Variants in FREM2 observed in about 807,000 individuals in gnomAD.
The protein encoded by FREM2 is FRAS1 related extracellular matrix 2, also known as FRAS1-related extracellular matrix protein 2.
Under a neutral mutation model 219.9 loss-of-function variants are expected in FREM2, and 119 were observed. The observed-to-expected ratio is 0.54, with a 90% CI of 0.47 to 0.63. FREM2 has a LOEUF of 0.63. FREM2 is among the 30% of genes least tolerant of loss of function. The pLI, the probability that FREM2 is intolerant of heterozygous loss-of-function variation, is 0.00. For missense variants in FREM2, 4,030 were observed against 3,993.6 expected, an observed-to-expected ratio of 1.01 and a Z score of -0.25; for synonymous variants, 1,562 against 1,522.8, an observed-to-expected ratio of 1.03 and a Z score of -0.60.
rs1224297915 is a variant in FREM2 at position 38,711,913 on chromosome 13, C to CTTTT, written c.5263+14148_5263+14151dup. Among the ~76,000 whole-genome samples, 70 of 107,530 alleles carry CTTTT rather than the reference C, an allele frequency of 6.5e-4. 1 individual carries two copies. Among genetic ancestry groups the CTTTT allele is most frequent in the African/African-American group, 2.3e-3 (52 of 22,524 alleles). The allele number at this position is 107,530 out of a possible 152,430, so 70.5% of individuals were successfully genotyped here. ...TGTGGGTCTCTGGGGCTGATAATTT[C>CTTTT]TTTTTTTTTTTTTTTTTTTTTTTTT... On this transcript the variant is annotated intron_variant, in intron 2 of 23. Transcript: ENST00000280481.
At chr13:38,717,412 C>CTTTT (rs386378868) in intron 2 of FREM2, among the ~76,000 whole-genome samples, 42,390 of 89,952 alleles carry the variant, frequency 0.47, 13,178 homozygotes, top group Non-Finnish European at 0.62. Context: ...TACATAAGTA[C>CTTTT]TTTTTTTTTT....
chr13:38,771,295 G>T (rs973177538), intron 4 of FREM2, among the ~76,000 whole-genome samples: 1 of 152,112 alleles, frequency 6.6e-6, no homozygotes, highest in Admixed American at 6.5e-5. Context: ...CCTGAACTTT[G>T]CACATATGCT....
intron 2 of FREM2, among the ~76,000 whole-genome samples, chr13:38,713,187 A>G (rs1680435103): frequency 6.6e-6 from 1 of 152,184 alleles, no homozygotes; most frequent in African/African-American, 2.4e-5. Flanking sequence ...ACAGTGCTTC[A>G]TAGAGGAAGT....
At chr13:38,741,345 A>G (rs987672273) in intron 2 of FREM2, among the ~76,000 whole-genome samples, 7 of 152,192 alleles carry the variant, frequency 4.6e-5, no homozygotes, top group African/African-American at 1.2e-4. Context: ...CTCTCTTAAC[A>G]TATTTTCAAA....
intron 2 of FREM2, among the ~76,000 whole-genome samples, chr13:38,759,498 T>A (rs1169494972): frequency 6.7e-6 from 1 of 150,324 alleles, no homozygotes; most frequent in African/African-American, 2.4e-5. Flanking sequence ...AATGAAGAAG[T>A]CTAAAGACCA....
chr13:38,857,104 G>A (rs1877591155), intron 12 of FREM2, among the ~76,000 whole-genome samples: 2 of 152,106 alleles, frequency 1.3e-5, no homozygotes, highest in Non-Finnish European at 2.9e-5. Context: ...CATCACATAA[G>A]ATGAATCTTT....
intron 1 of FREM2, among the ~76,000 whole-genome samples, chr13:38,695,187 A>G (rs934279531): frequency 1.2e-4 from 18 of 152,210 alleles, no homozygotes; most frequent in African/African-American, 4.3e-4. Context: ...ACATTTATAT[A>G]TACATAAATA....
At chr13:38,807,188 GTTATATATATATATATATATATATAT>G (rs1341055209) in intron 6 of FREM2, among the ~76,000 whole-genome samples, 5 of 66,410 alleles carry the variant, frequency 7.5e-5, no homozygotes, top group Admixed American at 4.8e-4. Flanking sequence ...TCTTGTCTCT[GTTATATATATATATATATATATATAT>G]ATATATATAT....
intron 2 of FREM2, among the ~76,000 whole-genome samples, chr13:38,700,332 A>G (rs1412814263): frequency 6.6e-6 from 1 of 152,006 alleles, no homozygotes; most frequent in East Asian, 1.9e-4. Flanking sequence ...GGAAAGGGTT[A>G]CTACCTTTGA....
In FREM2 at chr13:38,850,123, T is replaced by C. The variant is rs373878188; in HGVS notation, c.6465T>C (p.Asp2155=). The change falls in exon 9 of 24, where the codon GAT becomes GAC. Residue 2155 remains aspartate, a synonymous_variant. Coordinates refer to ENST00000280481, the MANE Select transcript of FREM2 (RefSeq NM_207361.6). ...TTACAATGATCCATAGGACTGGGGATGTCCAGTACAGATCTTCAGTGAGAT... is the reference window on the plus strand; with the variant it reads ...TTACAATGATCCATAGGACTGGGGACGTCCAGTACAGATCTTCAGTGAGAT... ...QIVTMIHRTG[D]VQYRSSVRCY... is the part of the protein sequence containing the mutation. 118 of 1,613,862 alleles carry C rather than the reference T, an allele frequency of 7.3e-5. 1 individual carries two copies. In the Middle Eastern group the frequency reaches 8.2e-4, roughly 11 times the overall value.
intron 17 of FREM2, 39 bp from the exon 18 acceptor site, chr13:38,874,443 C>A (rs1476649625): frequency 6.6e-7 from 1 of 1,508,652 alleles, no homozygotes. Context: ...GGGTCTCTGG[C>A]TACATATATT....
At position 38,691,849 on chromosome 13, in the gene FREM2, T is replaced by G. The variant is rs1869883948; in HGVS notation, c.4505T>G (p.Val1502Gly). Residue 1502 changes from valine to glycine, a missense_variant, in exon 1 of 24, where the codon GTG (valine) becomes GGG (glycine). Transcript: ENST00000280481. Reference protein sequence around the residue: ...IYYIHTADDEVKMDSFEFQVT... With the variant: ...IYYIHTADDEGKMDSFEFQVT... ...TACATCCACACAGCTGATGATGAAG[T>G]GAAAATGGACAGTTTTGAGTTTCAA... The G allele has an allele frequency of 6.2e-7, 1 of 1,613,996 alleles. No individual in the cohort carries two copies. The highest frequency in any genetic ancestry group is 8.5e-7 in the Non-Finnish European group (1 of 1,180,042).
intron 2 of FREM2, among the ~76,000 whole-genome samples, chr13:38,745,475 A>C (rs532991579): frequency 6.6e-6 from 1 of 152,294 alleles, no homozygotes; most frequent in African/African-American, 2.4e-5. Context: ...TTGCTAATAA[A>C]GATAAAGAGC....
chr13:38,738,546 A>C (rs977522446), intron 2 of FREM2, among the ~76,000 whole-genome samples: 8 of 144,640 alleles, frequency 5.5e-5, no homozygotes. Context: ...AGCCTGGGCA[A>C]CAGAGTGAGA....
intron 6 of FREM2, chr13:38,827,685 A>G (rs1442542584): frequency 2.0e-5 from 3 of 152,268 alleles, no homozygotes; most frequent in African/African-American, 7.2e-5. Flanking sequence ...TAAGTAAGTT[A>G]TATGTAAGAA....
rs770349141 is a variant in FREM2, at chr13:38,848,629, C to T, written c.6338C>T (p.Pro2113Leu). 1.2e-6 allele frequency: 2 copies of T among 1,613,874 alleles called. No individual in the cohort carries two copies. The highest frequency in any genetic ancestry group is 2.2e-5 in the South Asian group (2 of 91,074). Residue 2113 changes from proline (P) to leucine (L), a missense_variant, in exon 8 of 24, where the codon CCC becomes CTC. Transcript: ENST00000280481. ...RMPMNAALGE[P>L]SKATVSINDS... Reference sequence around the variant, plus strand: ...CCTATGAACGCAGCCCTTGGCGAGCCCAGCAAAGCCACAGTGTCCATAAAT... The same window carrying T: ...CCTATGAACGCAGCCCTTGGCGAGCTCAGCAAAGCCACAGTGTCCATAAAT...
intron 2 of FREM2, among the ~76,000 whole-genome samples, chr13:38,734,620 T>G (rs190997885): frequency 3.3e-5 from 5 of 152,260 alleles, no homozygotes; most frequent in Non-Finnish European, 7.4e-5. Context: ...AAGCATTCAT[T>G]CATTGATTCA....
At chr13:38,798,582 A>C (rs1874884006) in intron 6 of FREM2, among the ~76,000 whole-genome samples, 3 of 152,050 alleles carry the variant, frequency 2.0e-5, no homozygotes, top group African/African-American at 7.2e-5. Context: ...TTCTGCAGTG[A>C]ATTTATTAAG....
chr13:38,836,433 T>G (rs1362124996), intron 6 of FREM2, among the ~76,000 whole-genome samples: 2 of 152,214 alleles, frequency 1.3e-5, no homozygotes, highest in Non-Finnish European at 2.9e-5. Flanking sequence ...TGGCAGGTTT[T>G]GGTATCAGGA....
Sources: allele counts gnomAD v4.1 joint callset (sites outside exome capture counted in the v4.1 genomes callset), GRCh38; gene constraint gnomAD v4.1.1; transcripts MANE v1.5; gene names NCBI Gene and HGNC (gene_info 2026-07-23, HGNC 2026-07-21).